Variants in NEGR1 observed in about 807,000 individuals in gnomAD.
NEGR1 encodes IgLON family member 4.
A neutral mutation model predicts 40.9 loss-of-function variants in NEGR1; 10 were observed. The observed-to-expected ratio is 0.24, with a 90% CI of 0.15 to 0.42. The LOEUF is 0.42. Ranked by LOEUF, NEGR1 falls within the 10% of genes least tolerant of loss-of-function variation. The probability of loss-of-function intolerance (pLI) is 1.00; values close to 1 mark genes in which losing one functional copy is unlikely to be tolerated. For synonymous variants in NEGR1, 185 were observed against 166.8 expected (o/e 1.11, Z -0.84); for missense variants, 352 against 438.9 (o/e 0.80, Z 1.77).
At chr1:71,790,269 A>T (rs1657066393) in intron 2 of NEGR1, among the ~76,000 whole-genome samples, 1 of 152,128 alleles carries the variant, frequency 6.6e-6, no homozygotes, top group Non-Finnish European at 1.5e-5. Context: ...ATGGAAGCAG[A>T]ATGTCAGCAG....
intron 6 of NEGR1, chr1:71,421,331 A>C (rs1646392196): frequency 6.6e-6 from 1 of 152,094 alleles, no homozygotes; most frequent in African/African-American, 2.4e-5. Context: ...TCTCTGCATA[A>C]AATTTAGTTG....
At chr1:71,547,053 T>C (rs1270437342) in intron 6 of NEGR1, among the ~76,000 whole-genome samples, 1 of 151,734 alleles carries the variant, frequency 6.6e-6, no homozygotes, top group Admixed American at 6.6e-5. Context: ...CTCTTATTTT[T>C]AAAACAAATT....
intron 6 of NEGR1, among the ~76,000 whole-genome samples, chr1:71,409,182 T>G (rs1646300138): frequency 6.6e-6 from 1 of 152,086 alleles, no homozygotes. Flanking sequence ...ATATGAAGTC[T>G]AATTTAAAGC....
chr1:71,428,639 T>A (rs934367537), intron 6 of NEGR1, among the ~76,000 whole-genome samples: 2 of 149,542 alleles, frequency 1.3e-5, no homozygotes, highest in Non-Finnish European at 3.0e-5. Context: ...TATATAAATT[T>A]ATTTATATAA....
intron 1 of NEGR1, among the ~76,000 whole-genome samples, chr1:72,201,319 T>G (rs1046233740): frequency 2.7e-5 from 4 of 150,892 alleles, no homozygotes; most frequent in Non-Finnish European, 5.9e-5. Context: ...ATATTTTATT[T>G]TATTTTATAT....
chr1:72,208,201 G>C (rs1162475508), intron 1 of NEGR1, among the ~76,000 whole-genome samples: 1 of 151,730 alleles, frequency 6.6e-6, no homozygotes, highest in Non-Finnish European at 1.5e-5. Context: ...ATGCATGTGT[G>C]TGTGTCTTCA....
intron 2 of NEGR1, among the ~76,000 whole-genome samples, chr1:71,803,576 ACTTGTGGTTTCATTTATCT>A (rs1251921818): frequency 1.3e-5 from 2 of 152,082 alleles, no homozygotes; most frequent in African/African-American, 4.8e-5. Flanking sequence ...AGGGGCTATA[ACTTGTGGTTTCATTTATCT>A]GGACTCTCCC....
intron 1 of NEGR1, among the ~76,000 whole-genome samples, chr1:72,112,980 T>C (rs1649435663): frequency 6.6e-6 from 1 of 151,806 alleles, no homozygotes; most frequent in Non-Finnish European, 1.5e-5. Context: ...ATTTTTTTAC[T>C]ACTTCTTTTT....
intron 2 of NEGR1, among the ~76,000 whole-genome samples, chr1:71,853,852 T>C (rs1487794003): frequency 6.6e-6 from 1 of 152,160 alleles, no homozygotes; most frequent in East Asian, 1.9e-4. Context: ...CTTTGGTTAT[T>C]AGCATTGCTA....
At chr1:71,740,877 G>C (rs1655191547) in intron 3 of NEGR1, among the ~76,000 whole-genome samples, 1 of 152,024 alleles carries the variant, frequency 6.6e-6, no homozygotes, top group Admixed American at 6.6e-5. Context: ...GTTATGCTTT[G>C]GAAATTTCAG....
chr1:72,100,332 T>A (rs1291564738), intron 1 of NEGR1, among the ~76,000 whole-genome samples: 3 of 152,194 alleles, frequency 2.0e-5, no homozygotes, highest in African/African-American at 7.2e-5. Flanking sequence ...TGCTTAAAAT[T>A]GATTTTCTCT....
chr1:71,582,127 C>T (rs569797817), intron 6 of NEGR1, among the ~76,000 whole-genome samples: 1 of 151,738 alleles, frequency 6.6e-6, no homozygotes, highest in East Asian at 1.9e-4. Context: ...GCAAGGTATA[C>T]AATTGATTTT....
chr1:71,777,266 G>A (rs1394514286), intron 2 of NEGR1, among the ~76,000 whole-genome samples: 1 of 152,042 alleles, frequency 6.6e-6, no homozygotes, highest in Non-Finnish European at 1.5e-5. Flanking sequence ...GAGAGCAGGA[G>A]ACAATAATAG....
At chr1:71,872,508 A>C (rs1660308050) in intron 2 of NEGR1, among the ~76,000 whole-genome samples, 1 of 152,170 alleles carries the variant, frequency 6.6e-6, no homozygotes, top group East Asian at 1.9e-4. Flanking sequence ...GAGCTTCTAA[A>C]GTGCTCTCCC....
intron 6 of NEGR1, among the ~76,000 whole-genome samples, chr1:71,579,199 C>T (rs1649051505): frequency 6.6e-6 from 1 of 152,162 alleles, no homozygotes; most frequent in Admixed American, 6.5e-5. Context: ...GTCCACTTCA[C>T]CTGTAATTGC....
At chr1:71,700,075 ATT>A (rs1653634646) in intron 3 of NEGR1, among the ~76,000 whole-genome samples, 1 of 151,960 alleles carries the variant, frequency 6.6e-6, no homozygotes, top group Non-Finnish European at 1.5e-5. Flanking sequence ...AATTCAGAAA[ATT>A]TGACATTTCG....
intron 2 of NEGR1, among the ~76,000 whole-genome samples, chr1:71,929,324 G>A (rs1645832432): frequency 6.6e-6 from 1 of 152,060 alleles, no homozygotes; most frequent in Non-Finnish European, 1.5e-5. Flanking sequence ...GTAGGGTAAC[G>A]ACACATAACG....
At chr1:72,254,165 T>C (rs553296259) in intron 1 of NEGR1, among the ~76,000 whole-genome samples, 7 of 152,352 alleles carry the variant, frequency 4.6e-5, no homozygotes, top group East Asian at 3.9e-4. Context: ...TGAAGTATTA[T>C]GTATTGTCTT....
intron 2 of NEGR1, among the ~76,000 whole-genome samples, chr1:71,930,456 C>A (rs1281336539): frequency 6.6e-6 from 1 of 152,094 alleles, no homozygotes; most frequent in Non-Finnish European, 1.5e-5. Context: ...AATCATATTA[C>A]AAATTTTATG....
Sources: gnomAD v4.1 joint callset for allele counts (sites outside exome capture counted in the v4.1 genomes callset) on GRCh38, gnomAD v4.1.1 for gene constraint, MANE v1.5 for transcripts, NCBI Gene and HGNC (gene_info 2026-07-23, HGNC 2026-07-21) for gene names.